LINGO1: variants seen among roughly 807,000 people sequenced by gnomAD.
LINGO1 encodes leucine rich repeat and Ig domain containing 1.
Under a neutral mutation model 37.3 loss-of-function variants are expected in LINGO1, and 11 were observed. The observed-to-expected ratio is 0.29, with a 90% CI of 0.19 to 0.49. The LOEUF is 0.49. Ranked by LOEUF, LINGO1 falls within the 20% of genes least tolerant of loss-of-function variation. The pLI is 0.99. For missense variants in LINGO1, 585 were observed against 878.2 expected, an observed-to-expected ratio of 0.67 and a Z score of 4.22; for synonymous variants, 387 against 403.0, an observed-to-expected ratio of 0.96 and a Z score of 0.48.
In LINGO1 at chr15:77,654,364, G is replaced by T. The variant is rs28732980; in HGVS notation, c.-13+22725C>A. On this transcript the variant is annotated intron_variant, in intron 3 of 3. Transcript: ENST00000559893. ...GAGGCTCAGAAAGGTCCAGAAATTT[G>T]CTGGGGGGAACCAGGGTAAGTGAGT... 8.0e-3 allele frequency among the ~76,000 whole-genome samples: 1,220 copies of T among 152,328 alleles called. 18 individuals carry two copies. The highest frequency in any genetic ancestry group is 0.028 in the African/African-American group (1,184 of 41,570).
intron 1 of LINGO1, among the ~76,000 whole-genome samples, chr15:77,816,322 G>A (rs1489842367): frequency 6.6e-6 from 1 of 152,214 alleles, no homozygotes; most frequent in Admixed American, 6.5e-5. Flanking sequence ...GCCATGGAGA[G>A]TAACAGCCAA....
intron 1 of LINGO1, among the ~76,000 whole-genome samples, chr15:77,744,479 C>A (rs551890921): frequency 6.6e-6 from 1 of 152,046 alleles, no homozygotes; most frequent in Non-Finnish European, 1.5e-5. Context: ...GGCTGCACTG[C>A]GCCGAGATGG....
chr15:77,771,747 C>T (rs1045129408), intron 1 of LINGO1, among the ~76,000 whole-genome samples: 5 of 152,138 alleles, frequency 3.3e-5, no homozygotes, highest in African/African-American at 9.7e-5. Context: ...GGCCACCCCC[C>T]GCCTACATGT....
chr15:77,776,719 T>A (rs2076659623), intron 1 of LINGO1, among the ~76,000 whole-genome samples: 1 of 152,138 alleles, frequency 6.6e-6, no homozygotes, highest in Admixed American at 6.5e-5. Context: ...CAATCTGGGA[T>A]TTGAAACCAG....
At chr15:77,798,973 G>A (rs985220207) in intron 1 of LINGO1, among the ~76,000 whole-genome samples, 5 of 152,164 alleles carry the variant, frequency 3.3e-5, no homozygotes, top group South Asian at 2.1e-4. Flanking sequence ...GGTATGTCAC[G>A]TAGGCCTGTG....
intron 2 of LINGO1, among the ~76,000 whole-genome samples, chr15:77,715,296 G>T (rs773422667): frequency 6.6e-6 from 1 of 152,252 alleles, no homozygotes; most frequent in Non-Finnish European, 1.5e-5. Flanking sequence ...GCGTGGCTTG[G>T]GGGCCTAGGA....
intron 3 of LINGO1, among the ~76,000 whole-genome samples, chr15:77,642,759 C>A (rs2074537506): frequency 6.6e-6 from 1 of 152,250 alleles, no homozygotes; most frequent in African/African-American, 2.4e-5. Context: ...CAGGGCATTA[C>A]TTCTGCAAGT....
chr15:77,615,029 T>G lies in LINGO1; in HGVS notation c.878A>C (p.Asn293Thr). 6.2e-7 allele frequency: 1 copy of G among 1,613,570 alleles called. No homozygotes were observed. Among genetic ancestry groups the G allele is most frequent in the Non-Finnish European group, 8.5e-7 (1 of 1,179,784 alleles). The change falls in exon 2 of 2, where the codon AAC (asparagine) becomes ACC (threonine). Residue 293 changes from asparagine (N) to threonine (T), a missense_variant. Asn to Thr is a moderately conservative substitution (Grantham distance 65). Transcript: ENST00000355300. ...GGTGCTGATGGGGTTGTAGGAGAGG[T>G]TGAGGAAGCGGAGATAGACTAGGTG... ...VRHLVYLRFL[N>T]LSYNPISTIE...
At chr15:77,792,590 C>T (rs1206673701) in intron 2 of LINGO1, among the ~76,000 whole-genome samples, 1 of 152,104 alleles carries the variant, frequency 6.6e-6, no homozygotes, top group South Asian at 2.1e-4. Context: ...CTGAGAAGGG[C>T]TCCAGAGAAG....
chr15:77,664,130 A>AGTGTGTGTGTGTGTGTGTGT lies in LINGO1; in HGVS notation c.-13+12939_-13+12958dup, dbSNP rs774494605. On this transcript the variant is annotated intron_variant, in intron 3 of 3. Transcript: ENST00000559893. ...TTCCTCTCTTCTGCCACACAGGAGCAGTGTGTGTGTGTGTGTGTGTGTGTG... is the reference window on the plus strand; with the variant it reads ...TTCCTCTCTTCTGCCACACAGGAGCAGTGTGTGTGTGTGTGTGTGTGTGTGTGTGTGTGTGTGTGTGTGTG... Among the ~76,000 whole-genome samples the AGTGTGTGTGTGTGTGTGTGT allele has an allele frequency of 2.1e-4, 27 of 130,362 alleles. 1 individual carries two copies. The highest frequency in any genetic ancestry group is 7.2e-4 in the African/African-American group (23 of 31,898). The allele number at this position is 130,362 out of a possible 152,430, so 85.5% of individuals were successfully genotyped here.
rs114850640 is a variant in LINGO1 at position 77,757,235 on chromosome 15, T to C, written c.-256-22182A>G. Among the ~76,000 whole-genome samples, 1,300 of 152,324 alleles carry C rather than the reference T, an allele frequency of 8.5e-3. 26 individuals carry two copies. The highest frequency in any genetic ancestry group is 0.029 in the African/African-American group (1,223 of 41,570). On this transcript the variant is annotated intron_variant, in intron 1 of 3. Coordinates refer to the LINGO1 transcript ENST00000561686. Reference sequence around the variant, plus strand: ...TTTGACATTTGAGACTTTGATATCTTTGAGATGGGTTTTCTTGGGCAGTCT... The same window carrying C: ...TTTGACATTTGAGACTTTGATATCTCTGAGATGGGTTTTCTTGGGCAGTCT...
At chr15:77,622,783 C>A (rs994465522) in intron 1 of LINGO1, among the ~76,000 whole-genome samples, 2 of 152,234 alleles carry the variant, frequency 1.3e-5, no homozygotes, top group African/African-American at 2.4e-5. Context: ...TCTGTCGCAG[C>A]GGCCAACCAT....
intron 3 of LINGO1, among the ~76,000 whole-genome samples, chr15:77,669,912 A>G (rs2075218271): frequency 6.6e-6 from 1 of 152,232 alleles, no homozygotes; most frequent in Non-Finnish European, 1.5e-5. Flanking sequence ...TCATAGCAGC[A>G]TTATTCATAA....
At chr15:77,778,193 C>G (rs1412569696) in intron 1 of LINGO1, among the ~76,000 whole-genome samples, 2 of 152,204 alleles carry the variant, frequency 1.3e-5, no homozygotes, top group African/African-American at 4.8e-5. Context: ...TCACTCCAAT[C>G]TGCCTCTGTG....
At chr15:77,810,286 GCA>G (rs5813883) in intron 1 of LINGO1, among the ~76,000 whole-genome samples, 70,187 of 149,374 alleles carry the variant, frequency 0.47, 17,776 homozygotes, top group South Asian at 0.6. Flanking sequence ...ACATACACAA[GCA>G]CACACACACG....
chr15:77,664,122 A>C (rs2075059799), intron 3 of LINGO1, among the ~76,000 whole-genome samples: 1 of 142,798 alleles, frequency 7.0e-6, no homozygotes. Context: ...CTTCTGCCAC[A>C]CAGGAGCAGT....
chr15:77,658,163 G>A (rs371379641), intron 3 of LINGO1, among the ~76,000 whole-genome samples: 10 of 152,186 alleles, frequency 6.6e-5, no homozygotes, highest in South Asian at 2.1e-4. Context: ...CAGCAGGGCC[G>A]CCCTGCCCTG....
intron 1 of LINGO1, among the ~76,000 whole-genome samples, chr15:77,628,883 A>G (rs938850021): frequency 3.9e-5 from 6 of 152,184 alleles, no homozygotes; most frequent in African/African-American, 1.4e-4. Flanking sequence ...TGGGTATAAA[A>G]TCAAACCTCT....
At chr15:77,689,472 C>T (rs1308358114) in intron 2 of LINGO1, among the ~76,000 whole-genome samples, 1 of 152,224 alleles carries the variant, frequency 6.6e-6, no homozygotes, top group Non-Finnish European at 1.5e-5. Flanking sequence ...CAGCTCAATG[C>T]TCCCCCTTTT....
Sources: gnomAD v4.1 joint callset for allele counts (sites outside exome capture counted in the v4.1 genomes callset) on GRCh38, gnomAD v4.1.1 for gene constraint, MANE v1.5 for transcripts, NCBI Gene and HGNC (gene_info 2026-07-23, HGNC 2026-07-21) for gene names.